Variants in SYTL5 observed in about 807,000 individuals in gnomAD.
SYTL5 encodes the protein synaptotagmin like 5, also known as synaptotagmin-like protein 5.
A neutral mutation model predicts 55.9 loss-of-function variants in SYTL5; 34 were observed. That is an observed-to-expected ratio of 0.61 (90% CI 0.46 to 0.81). The LOEUF (loss-of-function observed/expected upper bound fraction) is 0.81. Ranked by LOEUF, SYTL5 falls within the 30% of genes least tolerant of loss-of-function variation. The pLI is 0.00. For missense variants in SYTL5, 637 were observed against 546.7 expected (o/e 1.17, Z -1.65); for synonymous variants, 221 against 188.7 (o/e 1.17, Z -1.40).
At chrX:38,116,324 A>T (rs1286116265) in intron 13 of SYTL5, among the ~76,000 whole-genome samples, 5 of 112,154 alleles carry the variant, frequency 4.5e-5, no homozygotes, top group Non-Finnish European at 1.9e-5. Flanking sequence ...TGCTGTTTTG[A>T]TTACTATAGT....
the SYTL5 span, among the ~76,000 whole-genome samples, chrX:37,982,158 A>C: frequency 8.9e-6 from 1 of 112,227 alleles, no homozygotes; most frequent in African/African-American, 3.2e-5. Flanking sequence ...GACTAATGGA[A>C]ACTGTGATTA....
intron 11 of SYTL5, among the ~76,000 whole-genome samples, chrX:38,107,296 T>C (rs952532476): frequency 9.0e-6 from 1 of 111,707 alleles, no homozygotes; most frequent in Non-Finnish European, 1.9e-5. Context: ...CTTAGGACTC[T>C]GCACGCAGTT....
the SYTL5 span, among the ~76,000 whole-genome samples, chrX:37,902,254 C>A: frequency 8.9e-6 from 1 of 111,941 alleles, no homozygotes; most frequent in African/African-American, 3.2e-5. Context: ...TCTTCCTGTG[C>A]GCACCTTAAT....
intron 5 of SYTL5, among the ~76,000 whole-genome samples, chrX:38,075,944 C>A: frequency 8.9e-6 from 1 of 112,304 alleles, no homozygotes; most frequent in Admixed American, 9.4e-5. Flanking sequence ...GCTGTTTCTG[C>A]TTAAACCCCA....
At chrX:38,027,061 G>A (rs1934798875) in intron 1 of SYTL5, among the ~76,000 whole-genome samples, 1 of 111,598 alleles carries the variant, frequency 9.0e-6, no homozygotes, top group Non-Finnish European at 1.9e-5. Flanking sequence ...CTAACTATTA[G>A]GGTCTCTTGT....
chrX:38,071,180 A>G (rs1936252818), intron 3 of SYTL5, among the ~76,000 whole-genome samples: 1 of 111,787 alleles, frequency 8.9e-6, no homozygotes, highest in Admixed American at 9.5e-5. Flanking sequence ...ACCCAGTCGA[A>G]ATGAGAGGGT....
the SYTL5 span, among the ~76,000 whole-genome samples, chrX:37,945,475 A>T: frequency 2.7e-5 from 3 of 111,616 alleles, no homozygotes; most frequent in Admixed American, 1.9e-4. Flanking sequence ...CACCTTCTGC[A>T]TAGTTCTCCA....
chrX:37,927,443 T>C, the SYTL5 span, among the ~76,000 whole-genome samples: 1 of 110,905 alleles, frequency 9.0e-6, no homozygotes, highest in Non-Finnish European at 1.9e-5. Flanking sequence ...AAAATACTTG[T>C]TTGAAGGTGT....
the SYTL5 span, among the ~76,000 whole-genome samples, chrX:37,995,212 G>T: frequency 1.2e-4 from 13 of 111,182 alleles, no homozygotes; most frequent in African/African-American, 4.3e-4. Context: ...TGATGCTGGG[G>T]CCTAGGGTGG....
At chrX:38,125,602 A>G (rs756557298) in intron 16 of SYTL5, 96 bp downstream of exon 16, 3 of 607,317 alleles carry the variant, frequency 4.9e-6, no homozygotes, top group South Asian at 2.9e-5. Flanking sequence ...GTATATATAT[A>G]GTTTCAGCTA....
At chrX:38,035,697 C>T (rs1935083809) in intron 2 of SYTL5, among the ~76,000 whole-genome samples, 1 of 107,844 alleles carries the variant, frequency 9.3e-6, no homozygotes, top group South Asian at 4.1e-4. Context: ...GAGATTGAGA[C>T]CATCCTAGCC....
At chrX:37,977,316 A>G in the SYTL5 span, among the ~76,000 whole-genome samples, 1 of 110,521 alleles carries the variant, frequency 9.0e-6, no homozygotes, top group Non-Finnish European at 1.9e-5. Flanking sequence ...ACTCAGTACT[A>G]GGGATGGAAA....
At chrX:38,004,137 G>T (rs754826961), upstream of SYTL5, among the ~76,000 whole-genome samples, 37 of 111,585 alleles carry the variant, frequency 3.3e-4, no homozygotes, top group South Asian at 1.1e-3. Context: ...CTGCTCTGTA[G>T]GTTGGCTCTT....
chrX:38,043,506 A>C (rs1334578671), intron 2 of SYTL5, among the ~76,000 whole-genome samples: 1 of 104,843 alleles, frequency 9.5e-6, no homozygotes, highest in Non-Finnish European at 2.0e-5. Context: ...TGTCTGGTAC[A>C]TATTTTCATT....
chrX:37,961,183 A>G, the SYTL5 span, among the ~76,000 whole-genome samples: 1 of 111,032 alleles, frequency 9.0e-6, no homozygotes, highest in East Asian at 2.8e-4. Flanking sequence ...CTTGTTGCCA[A>G]TTTTCTACCT....
intron 2 of SYTL5, among the ~76,000 whole-genome samples, chrX:38,043,754 A>G (rs1193336749): frequency 9.9e-6 from 1 of 100,775 alleles, no homozygotes; most frequent in Non-Finnish European, 2.0e-5. Flanking sequence ...TACATACTAT[A>G]TATGTAAATT....
the SYTL5 span, among the ~76,000 whole-genome samples, chrX:37,929,959 G>A: frequency 5.4e-5 from 6 of 111,958 alleles, no homozygotes; most frequent in African/African-American, 1.3e-4. Context: ...ATTCGGGGTC[G>A]ACTTCTAGTT....
chrX:37,997,522 T>G, the SYTL5 span, among the ~76,000 whole-genome samples: 3 of 112,552 alleles, frequency 2.7e-5, no homozygotes, highest in Admixed American at 2.8e-4. Context: ...TGATCCCAGG[T>G]GCTGTCACAG....
intron 3 of SYTL5, among the ~76,000 whole-genome samples, chrX:38,056,814 T>C (rs996260507): frequency 8.9e-6 from 1 of 111,896 alleles, no homozygotes; most frequent in Non-Finnish European, 1.9e-5. Context: ...GATGATTAGA[T>C]TTCTTCCTAA....
Sources: gnomAD v4.1 joint callset for allele counts (sites outside exome capture counted in the v4.1 genomes callset) on GRCh38, gnomAD v4.1.1 for gene constraint, MANE v1.5 for transcripts, NCBI Gene and HGNC (gene_info 2026-07-23, HGNC 2026-07-21) for gene names.